ZNF827: variants seen among roughly 807,000 people sequenced by gnomAD.
The protein encoded by ZNF827 is zinc finger protein 827.
Under a neutral mutation model 102.4 loss-of-function variants are expected in ZNF827, and 13 were observed. The ratio of observed to expected loss-of-function variants is 0.13; its 90% CI spans 0.08 to 0.20. The LOEUF (loss-of-function observed/expected upper bound fraction) is 0.20. Among genes scored for constraint, ZNF827 ranks in the 10% least tolerant of loss-of-function variants. The pLI is 1.00. For synonymous variants in ZNF827, 523 were observed against 536.2 expected (o/e 0.98, Z 0.34); for missense variants, 1,103 against 1,344.4 (o/e 0.82, Z 2.81).
At chr4:145,871,822 T>C (rs143282660) in intron 4 of ZNF827, among the ~76,000 whole-genome samples, 59 of 152,264 alleles carry the variant, frequency 3.9e-4, no homozygotes, top group Non-Finnish European at 6.6e-4. Flanking sequence ...GACCAGCATA[T>C]TTGGAAACTG....
At chr4:145,823,601 C>T in intron 7 of ZNF827, 76 bp from the exon 8 acceptor site, 1 of 904,782 alleles carries the variant, frequency 1.1e-6, no homozygotes, top group South Asian at 1.3e-5. Flanking sequence ...GTCCCAAATA[C>T]ATATATACGC....
intron 10 of ZNF827, among the ~76,000 whole-genome samples, chr4:145,775,031 C>T (rs762619767): frequency 9.4e-4 from 143 of 152,202 alleles, no homozygotes; most frequent in Non-Finnish European, 1.9e-3. Context: ...TTAGTGGTGC[C>T]GGTCCACTGA....
At chr4:145,861,807 T>G (rs1253064851) in intron 5 of ZNF827, among the ~76,000 whole-genome samples, 1 of 152,164 alleles carries the variant, frequency 6.6e-6, no homozygotes, top group Admixed American at 6.5e-5. Context: ...GTGGAGCACA[T>G]TAAATTCCTG....
At chr4:145,786,845 G>A (rs1738934313) in intron 8 of ZNF827, among the ~76,000 whole-genome samples, 1 of 152,170 alleles carries the variant, frequency 6.6e-6, no homozygotes, top group East Asian at 1.9e-4. Flanking sequence ...TCAATTTAGG[G>A]TTACTTGCCA....
chr4:145,839,241 G>A (rs1310399053), intron 7 of ZNF827: 2 of 152,218 alleles, frequency 1.3e-5, no homozygotes, highest in African/African-American at 2.4e-5. Context: ...CATGCACTGT[G>A]GAGCCCGGAA....
chr4:145,897,876 C>G (rs1429830186), intron 2 of ZNF827, among the ~76,000 whole-genome samples: 3 of 152,136 alleles, frequency 2.0e-5, no homozygotes, highest in Non-Finnish European at 1.5e-5. Context: ...GACTTATGGC[C>G]GGGTCCTGTG....
At chr4:145,849,271 T>G in intron 6 of ZNF827, 51 bp downstream of exon 6, 2 of 1,584,932 alleles carry the variant, frequency 1.3e-6, no homozygotes, top group Non-Finnish European at 1.7e-6. Context: ...GTTAGAAGGG[T>G]TTTCCTTCAA....
rs747250013 is a variant in ZNF827 at position 145,870,412 on chromosome 4, G to T, written c.1814C>A (p.Ser605Tyr). Residue 605 changes from serine (S) to tyrosine (Y), a missense_variant, in exon 5 of 15, where the codon TCC becomes TAC. Physicochemically the swap from Ser to Tyr is moderately radical, Grantham distance 144. Around this residue, in one of 5 missense-constraint regions of ZNF827, gnomAD observed 243 missense variants for 251.6 expected, o/e 0.97. Transcript: ENST00000508784. ...GGACCGAGGCAAAGTCGTGCTTAGG[G>T]ACTCCCCTTCCTTAGGCTCCTCTTT... ...KVKEEPKEGE[S>Y]LSTTLPRSSY... 1 of 1,614,062 alleles carries T rather than the reference G, an allele frequency of 6.2e-7. No homozygotes were observed. The highest frequency in any genetic ancestry group is 8.5e-7 in the Non-Finnish European group (1 of 1,180,018).
intron 8 of ZNF827, among the ~76,000 whole-genome samples, chr4:145,807,805 A>T (rs549766235): frequency 1.3e-5 from 2 of 151,538 alleles, no homozygotes; most frequent in African/African-American, 4.9e-5. Flanking sequence ...AAAAACAAAA[A>T]AAAAACAAAA....
intron 8 of ZNF827, among the ~76,000 whole-genome samples, chr4:145,795,339 G>C (rs1740266796): frequency 6.6e-6 from 1 of 152,062 alleles, no homozygotes; most frequent in Admixed American, 6.5e-5. Context: ...GTAGAGATGG[G>C]GTTTCACCAT....
intron 1 of ZNF827, among the ~76,000 whole-genome samples, chr4:145,908,360 T>C (rs191047596): frequency 2.3e-4 from 35 of 152,302 alleles, no homozygotes; most frequent in African/African-American, 8.4e-4. Flanking sequence ...ATTGGAGAGA[T>C]GCTTTCTCAC....
At chr4:145,809,707 C>T (rs1741828403) in intron 8 of ZNF827, among the ~76,000 whole-genome samples, 1 of 152,210 alleles carries the variant, frequency 6.6e-6, no homozygotes, top group African/African-American at 2.4e-5. Context: ...ACTGACCCCA[C>T]CCAGACCCAT....
chr4:145,768,231 C>T (rs1437629586), intron 11 of ZNF827, among the ~76,000 whole-genome samples: 1 of 152,148 alleles, frequency 6.6e-6, no homozygotes, highest in Non-Finnish European at 1.5e-5. Context: ...GTAACGTGAT[C>T]CCAGCTCACT....
intron 11 of ZNF827, among the ~76,000 whole-genome samples, chr4:145,773,566 C>G (rs989227413): frequency 2.0e-5 from 3 of 152,220 alleles, no homozygotes; most frequent in African/African-American, 7.2e-5. Context: ...GCAGACGGAG[C>G]TCCTCCTCAT....
Position 145,902,278 on chromosome 4 carries a change from G to A in ZNF827, c.981C>T (p.Val327=). The A allele has an allele frequency of 6.3e-7, 1 of 1,588,274 alleles. No individual in the cohort carries two copies. Among genetic ancestry groups the A allele is most frequent in the Non-Finnish European group, 8.5e-7 (1 of 1,169,762 alleles). Residue 327 remains valine, a synonymous_variant, in exon 2 of 15, where the codon GTC becomes GTT. Coordinates refer to ENST00000508784, the MANE Select transcript of ZNF827 (RefSeq NM_001306215.2). This position sits in a 1 kb window ranked among gnomAD's most constrained non-coding sequence, Gnocchi z 4.3. ...PPPSEKKPEK[V]TPPPPPPPPP... is the part of the protein sequence containing the mutation. ...GAGGTGGCGGTGGAGGTGGCGGAGTGACTTTTTCTGGTTTCTTCTCTGAAG... is the reference window on the plus strand; with the variant it reads ...GAGGTGGCGGTGGAGGTGGCGGAGTAACTTTTTCTGGTTTCTTCTCTGAAG...
Position 145,921,032 on chromosome 4 carries a change from G to C in ZNF827, c.43+17333C>G, listed in dbSNP as rs944906806. Among the ~76,000 whole-genome samples, 6 of 152,216 alleles carry C rather than the reference G, an allele frequency of 3.9e-5. No homozygotes were observed. In the East Asian group the frequency reaches 1.2e-3, roughly 29 times the overall value. Reference sequence around the variant, plus strand: ...TATGATAGAGCTATGGGAACCAGGGGAGGAGACGCCTAATTCTACCCAGCA... The same window carrying C: ...TATGATAGAGCTATGGGAACCAGGGCAGGAGACGCCTAATTCTACCCAGCA... On this transcript the variant is annotated intron_variant, in intron 1 of 14. Coordinates refer to ENST00000508784, the MANE Select transcript of ZNF827 (RefSeq NM_001306215.2).
chr4:145,893,313 T>G (rs536730459), intron 2 of ZNF827, among the ~76,000 whole-genome samples: 29 of 152,370 alleles, frequency 1.9e-4, no homozygotes, highest in African/African-American at 6.7e-4. Context: ...CTCTGCAATT[T>G]AGGGATACAG....
intron 8 of ZNF827, among the ~76,000 whole-genome samples, chr4:145,816,195 C>T (rs560927128): frequency 3.9e-5 from 6 of 152,276 alleles, no homozygotes; most frequent in East Asian, 1.9e-4. Context: ...TAAGGGCTTT[C>T]GGATGTTACC....
intron 7 of ZNF827, among the ~76,000 whole-genome samples, chr4:145,828,296 G>GC (rs1367412224): frequency 6.6e-6 from 1 of 152,072 alleles, no homozygotes; most frequent in Non-Finnish European, 1.5e-5. Context: ...TTATGAAAAA[G>GC]CCCCTCCATC....
Sources: gnomAD v4.1 joint callset for allele counts (sites outside exome capture counted in the v4.1 genomes callset) on GRCh38, gnomAD v4.1.1 for gene constraint, gnomAD v4.1.1 regional missense constraint, Gnocchi (gnomAD v3.1) non-coding constraint, MANE v1.5 for transcripts, NCBI Gene and HGNC (gene_info 2026-07-23, HGNC 2026-07-21) for gene names.